BTBD7: variants seen among roughly 807,000 people sequenced by gnomAD.
BTBD7 encodes BTB domain containing 7.
Under a neutral mutation model 99.9 loss-of-function variants are expected in BTBD7, and 38 were observed. The observed-to-expected ratio is 0.38, with a 90% CI of 0.29 to 0.50. The LOEUF (loss-of-function observed/expected upper bound fraction) is 0.50. Ranked by LOEUF, BTBD7 falls within the 20% of genes least tolerant of loss-of-function variation. The pLI is 0.93. For synonymous variants in BTBD7, 520 were observed against 511.4 expected, an observed-to-expected ratio of 1.02 and a Z score of -0.23; for missense variants, 1,170 against 1,394.6, an observed-to-expected ratio of 0.84 and a Z score of 2.57.
chr14:93,263,549 T>A (rs2052511944), intron 4 of BTBD7, among the ~76,000 whole-genome samples: 1 of 152,202 alleles, frequency 6.6e-6, no homozygotes, highest in Admixed American at 6.5e-5. Flanking sequence ...CTCTTTTTGG[T>A]GCATTTGGCT....
chr14:93,247,508 G>A (rs1183987913), intron 9 of BTBD7, among the ~76,000 whole-genome samples: 1 of 152,134 alleles, frequency 6.6e-6, no homozygotes, highest in Non-Finnish European at 1.5e-5. Context: ...ACCACACCTG[G>A]CTGATGTTTG....
At chr14:93,286,083 C>T (rs1159659482) in intron 3 of BTBD7, among the ~76,000 whole-genome samples, 2 of 152,170 alleles carry the variant, frequency 1.3e-5, no homozygotes, top group Non-Finnish European at 2.9e-5. Flanking sequence ...TCATCAATGG[C>T]ACCACTGCCA....
At chr14:93,279,951 G>T (rs897879891) in intron 3 of BTBD7, among the ~76,000 whole-genome samples, 1 of 152,100 alleles carries the variant, frequency 6.6e-6, no homozygotes, top group Non-Finnish European at 1.5e-5. Flanking sequence ...TGAAAACTAG[G>T]ACAGCAGCTG....
chr14:93,275,511 G>A (rs1304270510), intron 3 of BTBD7, among the ~76,000 whole-genome samples: 3 of 152,206 alleles, frequency 2.0e-5, no homozygotes, highest in Non-Finnish European at 4.4e-5. Context: ...GCATAACAGA[G>A]TGTAGTCTTA....
At chr14:93,259,196 T>C (rs2052462610) in intron 5 of BTBD7, among the ~76,000 whole-genome samples, 1 of 152,228 alleles carries the variant, frequency 6.6e-6, no homozygotes, top group African/African-American at 2.4e-5. Flanking sequence ...TGTTTCTGTT[T>C]AAAGACACTT....
intron 3 of BTBD7, chr14:93,287,508 ATTCT>A (rs2052794627): frequency 6.6e-6 from 1 of 152,024 alleles, no homozygotes; most frequent in African/African-American, 2.4e-5. Flanking sequence ...AAAATTATTT[ATTCT>A]TTCATATGTA....
chr14:93,270,149 G>T (rs984477656), intron 3 of BTBD7, among the ~76,000 whole-genome samples: 1 of 152,130 alleles, frequency 6.6e-6, no homozygotes, highest in Non-Finnish European at 1.5e-5. Context: ...AGACTGGAGT[G>T]CAGTGGCGTG....
chr14:93,320,784 G>A (rs1467084133), intron 1 of BTBD7, among the ~76,000 whole-genome samples: 1 of 151,802 alleles, frequency 6.6e-6, no homozygotes, highest in Non-Finnish European at 1.5e-5. Flanking sequence ...TAAAATATGG[G>A]ATACTTTAAA....
chr14:93,324,618 CT>C (rs1391044662), intron 1 of BTBD7, among the ~76,000 whole-genome samples: 2 of 152,142 alleles, frequency 1.3e-5, no homozygotes, highest in East Asian at 3.9e-4. Flanking sequence ...TGCTTCATCC[CT>C]TGTGATCCCA....
chr14:93,260,092 G>A (rs1438117569), intron 5 of BTBD7, among the ~76,000 whole-genome samples: 1 of 152,108 alleles, frequency 6.6e-6, no homozygotes, highest in Non-Finnish European at 1.5e-5. Context: ...GACTGCTTTT[G>A]TTCCCTAGAG....
chr14:93,285,110 G>A (rs2052762341), intron 3 of BTBD7, among the ~76,000 whole-genome samples: 1 of 152,146 alleles, frequency 6.6e-6, no homozygotes, highest in Admixed American at 6.6e-5. Flanking sequence ...CTGAAGAGGA[G>A]ACAATTATAG....
At chr14:93,248,087 A>AT (rs1452382448) in intron 9 of BTBD7, among the ~76,000 whole-genome samples, 7 of 152,152 alleles carry the variant, frequency 4.6e-5, no homozygotes, top group African/African-American at 1.4e-4. Flanking sequence ...ACACTGTGGA[A>AT]TTTTTTTAGC....
At chr14:93,281,513 CTG>C (rs1186254810) in intron 3 of BTBD7, among the ~76,000 whole-genome samples, 7 of 152,184 alleles carry the variant, frequency 4.6e-5, no homozygotes, top group African/African-American at 1.4e-4. Flanking sequence ...TTAGTATTAT[CTG>C]TGTTATCTGA....
chr14:93,287,327 C>T (rs1385360054), intron 3 of BTBD7, among the ~76,000 whole-genome samples: 2 of 133,606 alleles, frequency 1.5e-5, no homozygotes, highest in Non-Finnish European at 3.2e-5. Context: ...CCCCCGCCCC[C>T]CCACCCCGTC....
intron 1 of BTBD7, among the ~76,000 whole-genome samples, chr14:93,300,772 G>GTGTGTGTGTGTGTGTA (rs1438410480): frequency 1.3e-4 from 9 of 67,856 alleles, no homozygotes; most frequent in East Asian, 1.3e-3. Flanking sequence ...GTGTGTGTGT[G>GTGTGTGTGTGTGTGTA]TATATATATA....
At chr14:93,248,134 T>C (rs781178567) in intron 9 of BTBD7, among the ~76,000 whole-genome samples, 3 of 152,112 alleles carry the variant, frequency 2.0e-5, no homozygotes, top group Admixed American at 6.5e-5. Flanking sequence ...ACCAGAAATA[T>C]AGCTGCTGTA....
chr14:93,295,567 A>G (rs2273638), intron 2 of BTBD7, among the ~76,000 whole-genome samples: 58,256 of 152,110 alleles, frequency 0.38, 12,309 homozygotes, highest in African/African-American at 0.57. Context: ...GGAATGAAAA[A>G]TAGGCAGAGT....
Position 93,261,607 on chromosome 14 carries a change from T to C in BTBD7, c.1442A>G (p.Asp481Gly). 6.2e-7 allele frequency: 1 copy of C among 1,610,850 alleles called. No homozygotes were observed. The highest frequency in any genetic ancestry group is 1.7e-5 in the Admixed American group (1 of 59,802). ...AGCTAATTTTCGGAGCTTACCTCTATCTGCTATTCTTTTCATCAACTGATG... is the reference window on the plus strand; with the variant it reads ...AGCTAATTTTCGGAGCTTACCTCTACCTGCTATTCTTTTCATCAACTGATG... ...GEHQLMKRIA[D>G]REPNLLSGTA... is the part of the protein sequence containing the mutation. Residue 481 changes from aspartate (D) to glycine (G), a missense_variant, in exon 5 of 11, where the codon GAT becomes GGT. Asp to Gly is a moderately conservative substitution (Grantham distance 94). Transcript: ENST00000334746.
chr14:93,294,162 TG>T lies in BTBD7; in HGVS notation c.857del (p.Pro286HisfsTer22). On this transcript the variant is annotated frameshift_variant, in exon 3 of 11. Transcript: ENST00000334746. LOFTEE classifies it high-confidence loss of function. ...AHKAVISARS[P>X]FFRNLLQRRI... is the part of the protein sequence containing the mutation. ...TCCTTTGTAATAAATTTCGAAAAAA[TG>T]GGGACCGTGCAGAAATAACAGCCTT... 2 of 1,614,168 alleles carry T rather than the reference TG, an allele frequency of 1.2e-6. No individual in the cohort carries two copies. The highest frequency in any genetic ancestry group is 1.7e-6 in the Non-Finnish European group (2 of 1,180,018).
Sources: allele counts gnomAD v4.1 joint callset (sites outside exome capture counted in the v4.1 genomes callset), GRCh38; gene constraint gnomAD v4.1.1; transcripts MANE v1.5; gene names NCBI Gene and HGNC (gene_info 2026-07-23, HGNC 2026-07-21).